The following MEF2D variants were observed in gnomAD, a reference collection of about 807,000 sequenced individuals.
MEF2D encodes the protein myocyte-specific enhancer factor 2D.
A neutral mutation model predicts 59.3 loss-of-function variants in MEF2D; 10 were observed. The observed-to-expected ratio is 0.17, with a 90% CI of 0.10 to 0.29. MEF2D has a LOEUF of 0.29. Ranked by LOEUF, MEF2D falls within the 10% of genes least tolerant of loss-of-function variation. MEF2D has a pLI of 1.00. For missense variants in MEF2D, 508 were observed against 699.4 expected, an observed-to-expected ratio of 0.73 and a Z score of 3.09; for synonymous variants, 305 against 295.0, an observed-to-expected ratio of 1.03 and a Z score of -0.35.
intron 9 of MEF2D, 43 bp from the exon 10 acceptor site, chr1:156,469,063 G>A: frequency 2.6e-6 from 4 of 1,558,216 alleles, no homozygotes; most frequent in Non-Finnish European, 3.5e-6. Context: ...GTTGGGGAGA[G>A]CACACAGGCT....
Position 156,468,957 on chromosome 1 carries a change from G to A in MEF2D, c.1070C>T (p.Ser357Leu), listed in dbSNP as rs781659507. The A allele has an allele frequency of 1.1e-5, 17 of 1,613,740 alleles. No individual in the cohort carries two copies. Among genetic ancestry groups the A allele is most frequent in the East Asian group, 2.2e-5 (1 of 44,896 alleles). The stretch of plus-strand genomic sequence containing the variant: ...TTGCCAGGCAGTGACATTGCCTAGC[G>A]ACAGCCCCCCAGGTGAACTAAAGGC... ...LPAFSSPGGL[S>L]LGNVTAWQQP... Residue 357 changes from serine (S) to leucine (L), a missense_variant, in exon 10 of 12, where the codon TCG becomes TTG. By Grantham distance (145) the Ser-to-Leu change is moderately radical. Coordinates refer to ENST00000348159, the MANE Select transcript of MEF2D (RefSeq NM_005920.4). The surrounding 1 kb of genome is among the most constrained non-coding windows in gnomAD (Gnocchi z 4.3).
intron 9 of MEF2D, among the ~76,000 whole-genome samples, chr1:156,473,324 G>C (rs1671361224): frequency 6.6e-6 from 1 of 152,132 alleles, no homozygotes; most frequent in South Asian, 2.1e-4. Flanking sequence ...CTGGGTTCTG[G>C]ATTTTTACAT....
intron 1 of MEF2D, among the ~76,000 whole-genome samples, chr1:156,485,558 T>C (rs906840645): frequency 1.3e-5 from 2 of 151,588 alleles, no homozygotes; most frequent in Non-Finnish European, 2.9e-5. Flanking sequence ...GTTGTTGTTT[T>C]TTAAGATAGG....
Position 156,480,961 on chromosome 1 carries a change from T to C in MEF2D, c.269A>G (p.Lys90Arg), listed in dbSNP as rs1336148897. Residue 90 changes from lysine to arginine, a missense_variant, in exon 4 of 12, where the codon AAG (lysine) becomes AGG (arginine). Around this residue, in one of 2 missense-constraint regions of MEF2D, gnomAD observed 481 missense variants for 584.7 expected, o/e 0.82. Transcript: ENST00000348159. ...TNADIIETLR[K>R]KGFNGCDSPE... ...GCTGTCGCAGCCGTTGAAGCCCTTC[T>C]TCCTCAGGGTCTGTAACCGCACCAC... is the stretch of plus-strand genomic sequence containing the variant. The C allele has an allele frequency of 6.2e-7, 1 of 1,611,914 alleles. No homozygotes were observed. Among genetic ancestry groups the C allele is most frequent in the Admixed American group, 1.7e-5 (1 of 60,008 alleles).
chr1:156,479,208 G>T (rs1358662075), intron 6 of MEF2D, 82 bp downstream of exon 6: 1 of 1,187,332 alleles, frequency 8.4e-7, no homozygotes. Flanking sequence ...TCTCATCTAG[G>T]TCGTTCCTGA....
Position 156,479,314 on chromosome 1 carries a change from T to C in MEF2D, c.640A>G (p.Asn214Asp). Reference sequence around the variant, plus strand: ...CCAACAGGGCTGGGGCAGGCTCCGTTAGCACTGTTCAGGTCACCCCCCAGC... The same window carrying C: ...CCAACAGGGCTGGGGCAGGCTCCGTCAGCACTGTTCAGGTCACCCCCCAGC... ...AMLGGDLNSA[N>D]GACPSPVGNG... Residue 214 changes from asparagine (N) to aspartate (D), a missense_variant, in exon 6 of 12, where the codon AAC becomes GAC. By Grantham distance (23) the Asn-to-Asp change is conservative (BLOSUM62 1). Transcript: ENST00000348159. 6.2e-7 allele frequency: 1 copy of C among 1,611,950 alleles called. No individual in the cohort carries two copies. The highest frequency in any genetic ancestry group is 1.7e-5 in the Admixed American group (1 of 59,542).
chr1:156,474,530 T>C (rs1256795474), intron 9 of MEF2D, among the ~76,000 whole-genome samples: 1 of 152,254 alleles, frequency 6.6e-6, no homozygotes, highest in Non-Finnish European at 1.5e-5. Flanking sequence ...AGCATGAGTA[T>C]GTCTTTGGTG....
At chr1:156,480,582 A>T in intron 4 of MEF2D, 2 of 1,490,962 alleles carry the variant, frequency 1.3e-6, no homozygotes, top group Non-Finnish European at 9.0e-7. Context: ...GGCAGCCGAG[A>T]GCCAGGGCGC....
chr1:156,477,078 G>A lies in MEF2D; in HGVS notation c.789C>T (p.Ala263=), dbSNP rs773864150. 11 of 1,613,848 alleles carry A rather than the reference G, an allele frequency of 6.8e-6. No individual in the cohort carries two copies. The South Asian group carries it at 1.1e-4, about 16-fold the overall frequency. The change falls in exon 7 of 12, where the codon GCC becomes GCT. Residue 263 remains alanine, a synonymous_variant. Coordinates refer to ENST00000348159, the MANE Select transcript of MEF2D (RefSeq NM_005920.4). ...PPPTHSTQLG[A]PSRKPDLRVI... is the part of the protein sequence containing the mutation. ...CTCGCAGGTCGGGCTTGCGGCTGGG[G>A]GCTCCAAGCTGGGTGCTGTGGGTAG...
chr1:156,470,777 C>T (rs142494610), intron 9 of MEF2D, among the ~76,000 whole-genome samples: 1 of 152,242 alleles, frequency 6.6e-6, no homozygotes, highest in East Asian at 1.9e-4. Flanking sequence ...ACACAAAAAG[C>T]ATGTAGAACA....
chr1:156,483,368 C>G lies in MEF2D; in HGVS notation c.-76G>C. ...GGGTCTCGGCACACCTTACACTGTG[C>G]TCATGAACGGTCTGGGAACAGTGCT... is the stretch of plus-strand genomic sequence containing the variant. On this transcript the variant is annotated 5_prime_UTR_variant, in exon 2 of 12. Transcript: ENST00000348159. 1 of 1,362,440 alleles carries G rather than the reference C, an allele frequency of 7.3e-7. No individual in the cohort carries two copies. The highest frequency in any genetic ancestry group is 1.1e-6 in the Non-Finnish European group (1 of 951,376). The allele number at this position is 1,362,440 out of a possible 1,614,324, so 84.4% of individuals were successfully genotyped here.
intron 6 of MEF2D, 71 bp downstream of exon 6, chr1:156,479,218 AT>A: frequency 7.4e-7 from 1 of 1,349,300 alleles, no homozygotes; most frequent in East Asian, 2.5e-5. Context: ...GTCGTTCCTG[AT>A]CCTTGGACCC....
chr1:156,478,926 CG>C (rs879444884), intron 6 of MEF2D, among the ~76,000 whole-genome samples: 2 of 152,168 alleles, frequency 1.3e-5, no homozygotes, highest in Non-Finnish European at 2.9e-5. Flanking sequence ...TGAGTGCCTG[CG>C]TGAGTGTCTA....
At chr1:156,474,952 T>C (rs961417112) in intron 9 of MEF2D, among the ~76,000 whole-genome samples, 156 bp downstream of exon 9, 3 of 152,290 alleles carry the variant, frequency 2.0e-5, no homozygotes, top group Non-Finnish European at 4.4e-5. Flanking sequence ...TGTGCTTTTA[T>C]TTGCTAAACC....
chr1:156,494,707 A>C (rs1673028823), intron 1 of MEF2D, among the ~76,000 whole-genome samples: 1 of 151,716 alleles, frequency 6.6e-6, no homozygotes, highest in South Asian at 2.1e-4. Flanking sequence ...TCTGGCGGAA[A>C]CTCCTTCCCT....
At chr1:156,482,836 A>G (rs980923849) in intron 2 of MEF2D, among the ~76,000 whole-genome samples, 196 bp from the exon 3 acceptor site, 31 of 152,196 alleles carry the variant, frequency 2.0e-4, no homozygotes, top group Non-Finnish European at 4.4e-5. Flanking sequence ...CAGCTTAGAT[A>G]CAGCCCAGAG....
rs780707536 is a variant in MEF2D at position 156,479,696 on chromosome 1, G to A, written c.497C>T (p.Pro166Leu). 1 of 1,551,766 alleles carries A rather than the reference G, an allele frequency of 6.4e-7. No homozygotes were observed. ...CGTGAGGGATGATGTCACCAGGGAA[G>A]GGGTGACCAGGGAGCCGCTGGGATT... The part of the protein sequence containing the change: ...FSNPSGSLVT[P>L]SLVTSSLTDP... Residue 166 changes from proline (P) to leucine (L), a missense_variant, in exon 5 of 12, where the codon CCT (proline) becomes CTT (leucine). By Grantham distance (98) the Pro-to-Leu change is moderately conservative. Transcript: ENST00000348159.
At chr1:156,480,687 T>A in intron 4 of MEF2D, 147 bp downstream of exon 4, 1 of 1,587,822 alleles carries the variant, frequency 6.3e-7, no homozygotes, top group Non-Finnish European at 8.6e-7. Flanking sequence ...TCCTCGTCTA[T>A]CTTTTTATAT....
intron 9 of MEF2D, among the ~76,000 whole-genome samples, chr1:156,470,023 A>G (rs1045060167): frequency 5.3e-5 from 8 of 152,252 alleles, no homozygotes; most frequent in African/African-American, 1.7e-4. Flanking sequence ...CCGGGAGCAC[A>G]GCTGGCCAAG....
Sources: allele counts gnomAD v4.1 joint callset (sites outside exome capture counted in the v4.1 genomes callset), GRCh38; gene constraint gnomAD v4.1.1; regional missense constraint gnomAD v4.1.1; non-coding constraint Gnocchi (gnomAD v3.1); transcripts MANE v1.5; gene names NCBI Gene and HGNC (gene_info 2026-07-23, HGNC 2026-07-21).